RAB3C: variants seen among roughly 807,000 people sequenced by gnomAD.
The protein encoded by RAB3C is ras-related protein Rab-3C.
In RAB3C, 17 loss-of-function variants were observed where a neutral mutation model predicts 26.4. The ratio of observed to expected loss-of-function variants is 0.64; its 90% CI spans 0.44 to 0.97. The LOEUF (loss-of-function observed/expected upper bound fraction) is 0.97. Among genes scored for constraint, RAB3C ranks in the 50% least tolerant of loss-of-function variants. The pLI, the probability that RAB3C is intolerant of heterozygous loss-of-function variation, is 0.00. For synonymous variants in RAB3C, 91 were observed against 95.9 expected, an observed-to-expected ratio of 0.95 and a Z score of 0.30; for missense variants, 242 against 281.9, an observed-to-expected ratio of 0.86 and a Z score of 1.01.
At chr5:58,664,839 C>T (rs1043749823) in intron 2 of RAB3C, among the ~76,000 whole-genome samples, 13 of 152,038 alleles carry the variant, frequency 8.6e-5, no homozygotes, top group Admixed American at 2.0e-4. Flanking sequence ...TGGCTCCTGA[C>T]GTCCCTTCCC....
At chr5:58,730,447 T>C (rs1740990208) in intron 3 of RAB3C, among the ~76,000 whole-genome samples, 1 of 152,074 alleles carries the variant, frequency 6.6e-6, no homozygotes, top group Non-Finnish European at 1.5e-5. Context: ...CTTGCTGATA[T>C]TCAGTGATGG....
chr5:58,804,034 C>T (rs572199685), intron 3 of RAB3C, among the ~76,000 whole-genome samples: 3 of 149,000 alleles, frequency 2.0e-5, no homozygotes, highest in South Asian at 4.3e-4. Flanking sequence ...CACTCCAGCC[C>T]AGGTGACAGT....
At chr5:58,682,334 C>G (rs760912229) in intron 2 of RAB3C, among the ~76,000 whole-genome samples, 6 of 152,134 alleles carry the variant, frequency 3.9e-5, no homozygotes, top group Non-Finnish European at 8.8e-5. Flanking sequence ...GGTCATTTTG[C>G]CACTGCCACT....
chr5:58,832,517 G>A (rs1743634836), intron 4 of RAB3C, among the ~76,000 whole-genome samples: 1 of 152,186 alleles, frequency 6.6e-6, no homozygotes, highest in Non-Finnish European at 1.5e-5. Context: ...CTAGGAGTTA[G>A]GAAACAATAA....
intron 3 of RAB3C, among the ~76,000 whole-genome samples, chr5:58,807,668 G>C (rs181344293): frequency 6.6e-6 from 1 of 151,810 alleles, no homozygotes; most frequent in South Asian, 2.1e-4. Context: ...CTACAATGGT[G>C]GGGGGGCAAA....
At chr5:58,830,055 G>C (rs540757211) in intron 4 of RAB3C, among the ~76,000 whole-genome samples, 1 of 152,010 alleles carries the variant, frequency 6.6e-6, no homozygotes, top group Non-Finnish European at 1.5e-5. Flanking sequence ...ATAAAGGAAG[G>C]GCATGAAGTT....
chr5:58,700,845 C>A (rs2591923), intron 2 of RAB3C, among the ~76,000 whole-genome samples: 54,220 of 151,936 alleles, frequency 0.36, 10,095 homozygotes, highest in East Asian at 0.42. Flanking sequence ...AAATTGAGAG[C>A]ACTTGGTTTG....
At chr5:58,652,768 T>G (rs182465633) in intron 2 of RAB3C, among the ~76,000 whole-genome samples, 73 of 152,162 alleles carry the variant, frequency 4.8e-4, no homozygotes, top group African/African-American at 1.7e-3. Context: ...TCTGTGCCAG[T>G]ACCTTGGCTT....
At chr5:58,643,852 C>T (rs1423173738) in intron 2 of RAB3C, among the ~76,000 whole-genome samples, 4 of 152,148 alleles carry the variant, frequency 2.6e-5, no homozygotes, top group African/African-American at 4.8e-5. Flanking sequence ...GATGGAGTCT[C>T]GCTCTGTTGC....
At chr5:58,822,684 T>G (rs983825091) in intron 3 of RAB3C, 1 of 424,224 alleles carries the variant, frequency 2.4e-6, no homozygotes, top group African/African-American at 2.0e-5. Flanking sequence ...GAGATATGAT[T>G]TGTCAGATTA....
chr5:58,838,408 CATCTTTTATTA>C lies in RAB3C; in HGVS notation c.497-12745_497-12735del, dbSNP rs533981086. Among the ~76,000 whole-genome samples the C allele has an allele frequency of 4.6e-3, 699 of 151,510 alleles. 10 individuals are homozygous for C. The highest frequency in any genetic ancestry group is 4.1e-3 in the Non-Finnish European group (279 of 67,848). On this transcript the variant is annotated intron_variant, in intron 4 of 4. Coordinates refer to ENST00000282878, the MANE Select transcript of RAB3C (RefSeq NM_138453.4). ...AAAAAAAAAAACTTTTTGTTTCATT[CATCTTTTATTA>C]ATCTTTTATTCTTAATTTCTTTCTT...
chr5:58,795,317 C>T lies in RAB3C; in HGVS notation c.372-29721C>T, dbSNP rs190663139. The stretch of plus-strand genomic sequence containing the variant: ...TATGTCTTTATTAGCAGTATAAGAA[C>T]GGACTAATATACTTATAGAATACTA... On this transcript the variant is annotated intron_variant, in intron 3 of 4. Coordinates refer to ENST00000282878, the MANE Select transcript of RAB3C (RefSeq NM_138453.4). Among the ~76,000 whole-genome samples the T allele has an allele frequency of 1.8e-3, 269 of 152,196 alleles. 2 individuals carry two copies. Among genetic ancestry groups the T allele is most frequent in the African/African-American group, 6.3e-3 (261 of 41,516 alleles).
At chr5:58,808,019 A>G (rs1238411433) in intron 3 of RAB3C, among the ~76,000 whole-genome samples, 2 of 151,974 alleles carry the variant, frequency 1.3e-5, no homozygotes, top group Non-Finnish European at 2.9e-5. Flanking sequence ...AGGTCAGGAG[A>G]TCGAGACCAT....
chr5:58,728,100 A>G (rs1740929055), intron 3 of RAB3C, among the ~76,000 whole-genome samples: 1 of 152,180 alleles, frequency 6.6e-6, no homozygotes, highest in East Asian at 1.9e-4. Context: ...AAAAACCAAC[A>G]AAAGCCTGTT....
chr5:58,675,209 G>A (rs142962703), intron 2 of RAB3C, among the ~76,000 whole-genome samples: 550 of 151,704 alleles, frequency 3.6e-3, no homozygotes, highest in Non-Finnish European at 5.4e-3. Context: ...TGTCCATCTC[G>A]TATCCTGTTA....
At chr5:58,807,422 G>T (rs547038790) in intron 3 of RAB3C, among the ~76,000 whole-genome samples, 1 of 152,182 alleles carries the variant, frequency 6.6e-6, no homozygotes, top group African/African-American at 2.4e-5. Flanking sequence ...CAGCTACTAT[G>T]CAGTAGGTCT....
At chr5:58,588,817 C>A (rs548662218) in intron 1 of RAB3C, among the ~76,000 whole-genome samples, 2 of 152,148 alleles carry the variant, frequency 1.3e-5, no homozygotes, top group South Asian at 4.1e-4. Flanking sequence ...CTTTAAGATT[C>A]CATAAGAATT....
rs117476500 is a variant in RAB3C, at chr5:58,775,782, A to G, written c.372-49256A>G. Among the ~76,000 whole-genome samples the G allele has an allele frequency of 4.3e-4, 66 of 152,252 alleles. No homozygotes were observed. In the East Asian group the frequency reaches 0.011, roughly 26 times the overall value. On this transcript the variant is annotated intron_variant, in intron 3 of 4. Coordinates refer to ENST00000282878, the MANE Select transcript of RAB3C (RefSeq NM_138453.4). ...ACCACCAGTTTTCAAATCCTCACAG[A>G]GGAATTGCTAAGTGCAGTGGTGAAG...
chr5:58,807,408 G>A (rs1458995342), intron 3 of RAB3C, among the ~76,000 whole-genome samples: 1 of 152,198 alleles, frequency 6.6e-6, no homozygotes, highest in Non-Finnish European at 1.5e-5. Flanking sequence ...CCCATGCTAA[G>A]TTGCAGCTAC....
Sources: allele counts gnomAD v4.1 joint callset (sites outside exome capture counted in the v4.1 genomes callset), GRCh38; gene constraint gnomAD v4.1.1; transcripts MANE v1.5; gene names NCBI Gene and HGNC (gene_info 2026-07-23, HGNC 2026-07-21).